The following DLG2 variants were observed in gnomAD, a reference collection of about 807,000 sequenced individuals.
DLG2 encodes the protein disks large homolog 2.
Under a neutral mutation model 132.5 loss-of-function variants are expected in DLG2, and 45 were observed. The ratio of observed to expected loss-of-function variants is 0.34; its 90% CI spans 0.27 to 0.44. The LOEUF is 0.44. DLG2 is among the 20% of genes least tolerant of loss of function. The pLI is 1.00. For missense variants in DLG2, 1,045 were observed against 1,196.9 expected (o/e 0.87, Z 1.87); for synonymous variants, 424 against 419.6 (o/e 1.01, Z -0.13).
intron 15 of DLG2, among the ~76,000 whole-genome samples, chr11:83,883,061 C>A (rs2066750680): frequency 6.6e-6 from 1 of 152,194 alleles, no homozygotes; most frequent in Admixed American, 6.5e-5. Context: ...TTTGTCCCAG[C>A]ATGCTTGATT....
intron 6 of DLG2, among the ~76,000 whole-genome samples, chr11:84,944,806 A>G (rs1591645008): frequency 2.0e-5 from 3 of 151,966 alleles, no homozygotes; most frequent in Admixed American, 1.3e-4. Context: ...GGGTTTCACC[A>G]TGTTAGCCAG....
intron 2 of DLG2, among the ~76,000 whole-genome samples, chr11:85,600,939 A>G (rs1391879239): frequency 6.6e-6 from 1 of 152,166 alleles, no homozygotes. Flanking sequence ...AGCATTTGCA[A>G]TTTCCAAAGT....
chr11:83,883,548 G>T (rs902540015), intron 15 of DLG2, among the ~76,000 whole-genome samples: 1 of 152,164 alleles, frequency 6.6e-6, no homozygotes, highest in Non-Finnish European at 1.5e-5. Flanking sequence ...TAATCTCCAT[G>T]AAAAACTCTT....
chr11:83,952,354 A>G (rs1565783678), intron 14 of DLG2, among the ~76,000 whole-genome samples: 1 of 152,116 alleles, frequency 6.6e-6, no homozygotes, highest in Non-Finnish European at 1.5e-5. Context: ...CTCAAAAAAA[A>G]GAGAGTAAGA....
At chr11:85,445,399 C>T (rs140773388) in intron 3 of DLG2, among the ~76,000 whole-genome samples, 83 of 152,234 alleles carry the variant, frequency 5.5e-4, no homozygotes, top group Non-Finnish European at 1.0e-3. Flanking sequence ...AAGCACTGGC[C>T]GGGCGCGGTG....
At chr11:84,186,445 C>G (rs1793037) in intron 8 of DLG2, among the ~76,000 whole-genome samples, 1 of 151,750 alleles carries the variant, frequency 6.6e-6, no homozygotes, top group Non-Finnish European at 1.5e-5. Context: ...AGAGTCTTCC[C>G]AAAGACAAAG....
At chr11:84,395,823 T>C (rs2098809036) in intron 7 of DLG2, among the ~76,000 whole-genome samples, 1 of 152,242 alleles carries the variant, frequency 6.6e-6, no homozygotes, top group Admixed American at 6.5e-5. Context: ...CGTTTAAAAA[T>C]ATATTGTATC....
At chr11:84,764,618 T>G (rs1373740859) in intron 6 of DLG2, among the ~76,000 whole-genome samples, 1 of 152,074 alleles carries the variant, frequency 6.6e-6, no homozygotes, top group African/African-American at 2.4e-5. Context: ...AATGAGTTCA[T>G]AGATTTTAAT....
At chr11:84,786,618 T>A (rs531056845) in intron 6 of DLG2, among the ~76,000 whole-genome samples, 6 of 152,156 alleles carry the variant, frequency 3.9e-5, no homozygotes, top group Non-Finnish European at 7.4e-5. Context: ...ATCAATTCCA[T>A]TGTTAGGCCT....
chr11:84,479,402 C>A (rs977963617), intron 7 of DLG2, among the ~76,000 whole-genome samples: 2 of 151,970 alleles, frequency 1.3e-5, no homozygotes, highest in African/African-American at 4.8e-5. Context: ...TCCTTTATTC[C>A]ATCTTACTCT....
intron 2 of DLG2, among the ~76,000 whole-genome samples, chr11:85,605,235 A>G (rs776549738): frequency 2.6e-5 from 4 of 152,334 alleles, no homozygotes; most frequent in Admixed American, 6.5e-5. Flanking sequence ...CACAGCTACT[A>G]AATAACAGAT....
intron 9 of DLG2, among the ~76,000 whole-genome samples, chr11:84,110,938 T>C (rs554309577): frequency 6.6e-6 from 1 of 152,340 alleles, no homozygotes; most frequent in South Asian, 2.1e-4. Flanking sequence ...TGTACTTTCT[T>C]CTGTGTAGAT....
At chr11:83,802,569 G>C (rs971679429) in intron 17 of DLG2, among the ~76,000 whole-genome samples, 7 of 151,844 alleles carry the variant, frequency 4.6e-5, no homozygotes, top group Admixed American at 3.9e-4. Context: ...GTGATTTCTG[G>C]GTTTCAGGTA....
intron 9 of DLG2, among the ~76,000 whole-genome samples, chr11:84,142,026 G>A (rs113028549): frequency 2.4e-3 from 364 of 151,972 alleles, no homozygotes; most frequent in African/African-American, 8.2e-3. Context: ...TTTGCTGGCC[G>A]GGCATGATGG....
chr11:84,278,422 C>T (rs1352975580), intron 7 of DLG2, among the ~76,000 whole-genome samples: 2 of 151,948 alleles, frequency 1.3e-5, no homozygotes, highest in Non-Finnish European at 2.9e-5. Context: ...AATAACGATT[C>T]TACACAAAAT....
At chr11:84,097,555 C>T (rs7931375) in intron 10 of DLG2, among the ~76,000 whole-genome samples, 23,557 of 152,132 alleles carry the variant, frequency 0.15, 2,113 homozygotes, top group African/African-American at 0.23. Flanking sequence ...GCAAAATCTC[C>T]ATTGCAGTGA....
chr11:83,712,845 T>C (rs1449271132), intron 18 of DLG2, among the ~76,000 whole-genome samples: 2 of 152,108 alleles, frequency 1.3e-5, no homozygotes, highest in East Asian at 1.9e-4. Context: ...TCAGGAAGAA[T>C]AGCTAATGGA....
intron 21 of DLG2, among the ~76,000 whole-genome samples, chr11:83,490,940 A>G (rs2093805802): frequency 6.6e-6 from 1 of 152,022 alleles, no homozygotes; most frequent in Admixed American, 6.6e-5. Flanking sequence ...TTATACCAAC[A>G]TGAGTTGGTA....
intron 19 of DLG2, among the ~76,000 whole-genome samples, chr11:83,572,966 T>G (rs1265456478): frequency 6.6e-6 from 1 of 152,208 alleles, no homozygotes; most frequent in Non-Finnish European, 1.5e-5. Context: ...TCATTAAGGC[T>G]TTCTGGTTAA....
Sources: allele counts gnomAD v4.1 joint callset (sites outside exome capture counted in the v4.1 genomes callset), GRCh38; gene constraint gnomAD v4.1.1; transcripts MANE v1.5; gene names NCBI Gene and HGNC (gene_info 2026-07-23, HGNC 2026-07-21).